The following SLC6A13 variants were observed in gnomAD, a reference collection of about 807,000 sequenced individuals.
SLC6A13 encodes the protein sodium- and chloride-dependent GABA transporter 2.
A neutral mutation model predicts 72.9 loss-of-function variants in SLC6A13; 69 were observed. That is an observed-to-expected ratio of 0.95 (90% CI 0.78 to 1.16). The LOEUF (loss-of-function observed/expected upper bound fraction) is 1.16, where lower values mean the gene tolerates loss of function less well. Among genes scored for constraint, SLC6A13 ranks in the 50% most tolerant of loss-of-function variants. The pLI, the probability that SLC6A13 is intolerant of heterozygous loss-of-function variation, is 0.00. For synonymous variants in SLC6A13, 303 were observed against 303.0 expected, an observed-to-expected ratio of 1.00 and a Z score of 0.00; for missense variants, 735 against 760.5, an observed-to-expected ratio of 0.97 and a Z score of 0.39.
In SLC6A13 at chr12:254,903, T is replaced by C. The variant is rs1419754023; in HGVS notation, c.202+4948A>G. ...GGCTTATGCCTGTAATCCCAGCACT[T>C]TGGGAGGCCGAGGCAGGCAGATCAC... On this transcript the variant is annotated intron_variant, in intron 2 of 14. Coordinates refer to ENST00000343164, the MANE Select transcript of SLC6A13 (RefSeq NM_016615.5). The surrounding 1 kb of genome is among the most constrained non-coding windows in gnomAD (Gnocchi z 4.4). 6.6e-6 allele frequency among the ~76,000 whole-genome samples: 1 copy of C among 152,140 alleles called. No individual in the cohort carries two copies. Among genetic ancestry groups the C allele is most frequent in the African/African-American group, 2.4e-5 (1 of 41,422 alleles).
At chr12:236,743 G>T (rs748771413) in intron 6 of SLC6A13, among the ~76,000 whole-genome samples, 7 of 152,070 alleles carry the variant, frequency 4.6e-5, no homozygotes, top group African/African-American at 1.7e-4. Flanking sequence ...GAGTTCAGGA[G>T]AATTCAGAAT....
rs780279869 is a variant in SLC6A13, at chr12:237,230, C to A, written c.624G>T (p.Leu208=). ...IQHLGALRWE[L]ALCLLLAWVI... is the part of the protein sequence containing the mutation. Reference sequence around the variant, plus strand: ...CCCAGGCCAGCAGGAGGCACAGAGCCAGCTCCCAGCGCAGGGCCCCCAGGT... The same window carrying A: ...CCCAGGCCAGCAGGAGGCACAGAGCAAGCTCCCAGCGCAGGGCCCCCAGGT... Residue 208 remains leucine, a synonymous_variant, in exon 6 of 15, where the codon CTG becomes CTT. Transcript: ENST00000343164. The A allele has an allele frequency of 1.2e-6, 2 of 1,613,902 alleles. No homozygotes were observed. The highest frequency in any genetic ancestry group is 2.7e-5 in the African/African-American group (2 of 74,884).
chr12:237,639 G>C (rs1941984856), intron 5 of SLC6A13, among the ~76,000 whole-genome samples: 1 of 152,122 alleles, frequency 6.6e-6, no homozygotes, highest in Non-Finnish European at 1.5e-5. Context: ...CACTCTTGCA[G>C]CCACAGGGAG....
In SLC6A13 at chr12:220,958, G is replaced by T; in HGVS notation, c.1799C>A (p.Ser600Tyr). The T allele has an allele frequency of 6.2e-7, 1 of 1,612,732 alleles. No individual in the cohort carries two copies. The highest frequency in any genetic ancestry group is 1.1e-5 in the South Asian group (1 of 91,024). The change falls in exon 15 of 15, where the codon TCT (serine) becomes TAT (tyrosine). Residue 600 changes from serine (S) to tyrosine (Y), a missense_variant. Ser to Tyr is a moderately radical substitution (Grantham distance 144). Transcript: ENST00000343164. ...TSLLRLTELE[S>Y]HC ...CCAAGGGCCTGCCCCCTAGCAGTGA[G>T]ACTCTAGCTCTGTGAGTCTGAGCAG... is the stretch of plus-strand genomic sequence containing the variant.
At chr12:255,601 C>T (rs951734960) in intron 2 of SLC6A13, among the ~76,000 whole-genome samples, 8 of 152,328 alleles carry the variant, frequency 5.3e-5, no homozygotes, top group African/African-American at 1.7e-4. Context: ...GAGGCTGAGG[C>T]GGGAGAATCA....
intron 6 of SLC6A13, among the ~76,000 whole-genome samples, 173 bp from the exon 7 acceptor site, chr12:235,397 G>A (rs1040113312): frequency 1.3e-5 from 2 of 152,194 alleles, no homozygotes; most frequent in Non-Finnish European, 1.5e-5. Context: ...TAGGGACCCC[G>A]AATGGAGGGA....
chr12:234,770 G>A (rs977012535), intron 7 of SLC6A13, among the ~76,000 whole-genome samples: 2 of 152,062 alleles, frequency 1.3e-5, no homozygotes, highest in Non-Finnish European at 2.9e-5. Context: ...CACCCACTTC[G>A]GCCTCCCAAA....
rs763289332 is a variant in SLC6A13 at position 259,924 on chromosome 12, C to T, written c.129G>A (p.Leu43=). The T allele has an allele frequency of 1.9e-6, 3 of 1,614,230 alleles. No homozygotes were observed. Among genetic ancestry groups the T allele is most frequent in the Non-Finnish European group, 2.5e-6 (3 of 1,180,028 alleles). ...AGCCAATGATCTCCCCAGCCACTGA[C>T]AGCACAAACTCCATCTTGTTGTTCC... ...GHWNNKMEFV[L]SVAGEIIGLG... Residue 43 remains leucine (L), a synonymous_variant, in exon 2 of 15, where the codon CTG becomes CTA. Coordinates refer to ENST00000343164, the MANE Select transcript of SLC6A13 (RefSeq NM_016615.5).
intron 2 of SLC6A13, among the ~76,000 whole-genome samples, chr12:256,168 T>C (rs1942737824): frequency 6.6e-6 from 1 of 152,200 alleles, no homozygotes; most frequent in Non-Finnish European, 1.5e-5. Context: ...TATTGTGTAG[T>C]GTCTGTCTCC....
Position 243,715 on chromosome 12 carries a change from C to G in SLC6A13, c.301G>C (p.Val101Leu), listed in dbSNP as rs756565821. ...ALGQYTSQGGVTAWRKICPIF... is the reference protein window; with the variant it reads ...ALGQYTSQGGLTAWRKICPIF... ...GGGCAGATCTTCCTCCAGGCTGTGA[C>G]GCCTCCCTGGCTAGTGTACTGGCCT... Residue 101 changes from valine to leucine, a missense_variant, in exon 3 of 15, where the codon GTC (valine) becomes CTC (leucine). Transcript: ENST00000343164. 6.2e-7 allele frequency: 1 copy of G among 1,614,160 alleles called. No individual in the cohort carries two copies. The highest frequency in any genetic ancestry group is 1.7e-5 in the Admixed American group (1 of 60,028).
At position 261,168 on chromosome 12, in the gene SLC6A13, T is replaced by C. The variant is rs142281899; in HGVS notation, c.-5-1111A>G. On this transcript the variant is annotated intron_variant, in intron 1 of 14. Coordinates refer to ENST00000343164, the MANE Select transcript of SLC6A13 (RefSeq NM_016615.5). ...AGAAATGGCCCATTCCAGACCACTG[T>C]TGGGATTGAGGATGACTGGACGTGG... Among the ~76,000 whole-genome samples the C allele has an allele frequency of 4.9e-4, 75 of 152,344 alleles. 1 individual carries two copies. In the South Asian group the frequency reaches 0.012, roughly 24 times the overall value.
chr12:236,941 T>TG (rs1941953394), intron 6 of SLC6A13: 1 of 502,200 alleles, frequency 2.0e-6, no homozygotes, highest in African/African-American at 1.9e-5. Flanking sequence ...ACCCTGGAGG[T>TG]GTCCTTCCTG....
intron 7 of SLC6A13, 133 bp from the exon 8 acceptor site, chr12:227,801 G>A (rs1941529422): frequency 1.4e-5 from 10 of 726,082 alleles, no homozygotes; most frequent in Admixed American, 2.9e-5. Flanking sequence ...GCCAACACTT[G>A]CATCCTGCTA....
At chr12:240,066 A>T (rs1030392144) in intron 4 of SLC6A13, among the ~76,000 whole-genome samples, 1 of 152,196 alleles carries the variant, frequency 6.6e-6, no homozygotes, top group Admixed American at 6.5e-5. Flanking sequence ...AAATTGTTTC[A>T]AGAGGGACTC....
At position 220,941 on chromosome 12, in the gene SLC6A13, C is replaced by T. The variant is rs1941174548; in HGVS notation, c.*7G>A. 1.2e-6 allele frequency: 2 copies of T among 1,611,928 alleles called. No individual in the cohort carries two copies. Among genetic ancestry groups the T allele is most frequent in the Non-Finnish European group, 8.5e-7 (1 of 1,179,892 alleles). On this transcript the variant is annotated 3_prime_UTR_variant, in exon 15 of 15. Coordinates refer to ENST00000343164, the MANE Select transcript of SLC6A13 (RefSeq NM_016615.5). Reference sequence around the variant, plus strand: ...AGGCACACAGGCACCATCCAAGGGCCTGCCCCCTAGCAGTGAGACTCTAGC... The same window carrying T: ...AGGCACACAGGCACCATCCAAGGGCTTGCCCCCTAGCAGTGAGACTCTAGC...
At position 242,758 on chromosome 12, in the gene SLC6A13, C is replaced by A. The variant is rs780217461; in HGVS notation, c.338-4G>T. 44 of 1,574,946 alleles carry A rather than the reference C, an allele frequency of 2.8e-5. No individual in the cohort carries two copies. The Middle Eastern group carries it at 5.0e-4, about 18-fold the overall frequency. Reference sequence around the variant, plus strand: ...ATCTGGGAGGCATAGCCAATGCCTGCGGGGAAACTGCAGAATTGGGCTAGG... The same window carrying A: ...ATCTGGGAGGCATAGCCAATGCCTGAGGGGAAACTGCAGAATTGGGCTAGG... On this transcript the variant is annotated splice_region_variant and splice_polypyrimidine_tract_variant and intron_variant, in intron 3 of 14. Transcript: ENST00000343164.
In SLC6A13 at chr12:235,226, T is replaced by A; in HGVS notation, c.697-2A>T. 1 of 1,614,118 alleles carries A rather than the reference T, an allele frequency of 6.2e-7. No homozygotes were observed. The highest frequency in any genetic ancestry group is 1.1e-5 in the South Asian group (1 of 91,080). ...AAATGTGGCCGTGAAGTACACCACC[T>A]GGTCATGGGCAAATGAGAGACAAGG... is the stretch of plus-strand genomic sequence containing the variant. On this transcript the variant is annotated splice_acceptor_variant, in intron 6 of 14. Coordinates refer to ENST00000343164, the MANE Select transcript of SLC6A13 (RefSeq NM_016615.5). LOFTEE classifies it high-confidence loss of function.
intron 3 of SLC6A13, 108 bp downstream of exon 3, chr12:243,571 C>T (rs549299346): frequency 4.5e-6 from 5 of 1,113,016 alleles, no homozygotes; most frequent in South Asian, 3.2e-5. Flanking sequence ...CATAGAGACT[C>T]GGGATCTTAT....
intron 2 of SLC6A13, among the ~76,000 whole-genome samples, chr12:257,469 G>A (rs1361821367): frequency 6.6e-6 from 1 of 152,190 alleles, no homozygotes; most frequent in South Asian, 2.1e-4. Flanking sequence ...GGTAGGTAGT[G>A]TAAGGGTTAA....
Sources: gnomAD v4.1 joint callset for allele counts (sites outside exome capture counted in the v4.1 genomes callset) on GRCh38, gnomAD v4.1.1 for gene constraint, Gnocchi (gnomAD v3.1) non-coding constraint, MANE v1.5 for transcripts, NCBI Gene and HGNC (gene_info 2026-07-23, HGNC 2026-07-21) for gene names.